ANKRD12: variants seen among roughly 807,000 people sequenced by gnomAD.
ANKRD12 encodes the protein ankyrin repeat domain-containing protein 12.
Under a neutral mutation model 183.4 loss-of-function variants are expected in ANKRD12, and 85 were observed. The ratio of observed to expected loss-of-function variants is 0.46; its 90% CI spans 0.39 to 0.56. The LOEUF (loss-of-function observed/expected upper bound fraction) is 0.56, where lower values mean the gene tolerates loss of function less well. ANKRD12 is among the 20% of genes least tolerant of loss of function. The pLI is 0.00. For synonymous variants in ANKRD12, 914 were observed against 800.2 expected (o/e 1.14, Z -2.40); for missense variants, 2,405 against 2,357.1 (o/e 1.02, Z -0.42).
rs867490300 is a variant in ANKRD12 at position 9,167,392 on chromosome 18, T to C, written c.-51-14990T>C. On this transcript the variant is annotated intron_variant, in intron 1 of 12. Coordinates refer to ENST00000262126, the MANE Select transcript of ANKRD12 (RefSeq NM_015208.5). ...TTTGTTTGTATCCTCTTTTATTTCA[T>C]TGAGCAGTGGTTTGTAGTTCTCCTT... is the stretch of plus-strand genomic sequence containing the variant. 4.3e-4 allele frequency among the ~76,000 whole-genome samples: 65 copies of C among 152,212 alleles called. 1 individual carries two copies. The highest frequency in any genetic ancestry group is 2.2e-4 in the Non-Finnish European group (15 of 68,038).
intron 11 of ANKRD12, among the ~76,000 whole-genome samples, chr18:9,279,082 TAAAGAATTTCTTCATGAG>T (rs56252964): frequency 1 from 151,833 of 151,952 alleles, 75,858 homozygotes; most frequent in Middle Eastern, 1. Context: ...TAAGTGTTGA[TAAAGAATTTCTTCATGAG>T]AAAGAATTTC....
At chr18:9,274,590 T>G (rs1426231347) in intron 10 of ANKRD12, among the ~76,000 whole-genome samples, 2 of 152,204 alleles carry the variant, frequency 1.3e-5, no homozygotes, top group African/African-American at 4.8e-5. Flanking sequence ...GGGTAGCAGG[T>G]TTCTTTTTGG....
intron 8 of ANKRD12, among the ~76,000 whole-genome samples, chr18:9,238,205 T>C (rs549788480): frequency 6.6e-6 from 1 of 152,194 alleles, no homozygotes. Flanking sequence ...GATTCTTGTC[T>C]TCGTAACTTC....
chr18:9,226,933 A>G (rs1270610855), intron 8 of ANKRD12, among the ~76,000 whole-genome samples: 4 of 152,170 alleles, frequency 2.6e-5, no homozygotes, highest in Non-Finnish European at 1.5e-5. Flanking sequence ...AGAGATGGTA[A>G]TTAAAGGCAA....
intron 6 of ANKRD12, among the ~76,000 whole-genome samples, chr18:9,212,478 TATATTCTTA>T (rs34983240): frequency 0.78 from 118,701 of 151,672 alleles, 46,677 homozygotes; most frequent in Middle Eastern, 0.88. Context: ...GATATTTCTA[TATATTCTTA>T]CAGTATATAT....
intron 7 of ANKRD12, 59 bp from the exon 8 acceptor site, chr18:9,221,793 T>C: frequency 6.4e-7 from 1 of 1,552,506 alleles, no homozygotes; most frequent in Non-Finnish European, 8.8e-7. Context: ...ATCAAGAGAA[T>C]GGGTGCAGTG....
At chr18:9,279,122 C>T (rs928379692) in intron 11 of ANKRD12, among the ~76,000 whole-genome samples, 3 of 150,820 alleles carry the variant, frequency 2.0e-5, no homozygotes, top group African/African-American at 7.3e-5. Context: ...TCATGAGCAC[C>T]GCAGATATTG....
At chr18:9,213,011 G>A (rs2035894969) in intron 6 of ANKRD12, among the ~76,000 whole-genome samples, 2 of 151,772 alleles carry the variant, frequency 1.3e-5, no homozygotes, top group Admixed American at 1.3e-4. Context: ...CACAGTCTGT[G>A]GCTTAGGTTG....
intron 8 of ANKRD12, among the ~76,000 whole-genome samples, chr18:9,231,389 T>C (rs544322134): frequency 6.6e-6 from 1 of 152,338 alleles, no homozygotes; most frequent in African/African-American, 2.4e-5. Context: ...CCTTTGTATC[T>C]AGGAGTATTT....
At chr18:9,199,400 CATG>C (rs2035037033) in intron 3 of ANKRD12, among the ~76,000 whole-genome samples, 1 of 152,142 alleles carries the variant, frequency 6.6e-6, no homozygotes, top group Non-Finnish European at 1.5e-5. Flanking sequence ...TACGTGCACA[CATG>C]ATGTATATTA....
At chr18:9,171,386 C>T (rs141397769) in intron 1 of ANKRD12, among the ~76,000 whole-genome samples, 92 of 152,256 alleles carry the variant, frequency 6.0e-4, no homozygotes, top group African/African-American at 2.1e-3. Context: ...TACATTTTGC[C>T]ATTCTGTGTC....
At chr18:9,240,672 G>T (rs1292772136) in intron 8 of ANKRD12, among the ~76,000 whole-genome samples, 1 of 152,108 alleles carries the variant, frequency 6.6e-6, no homozygotes, top group African/African-American at 2.4e-5. Flanking sequence ...TCAGTAAACT[G>T]GCTTTATTAA....
chr18:9,169,128 C>G (rs1198220445), intron 1 of ANKRD12, among the ~76,000 whole-genome samples: 1 of 152,056 alleles, frequency 6.6e-6, no homozygotes. Context: ...CTGAGGAGTG[C>G]TTTACTTCCA....
chr18:9,152,513 G>C (rs1844871924), intron 1 of ANKRD12, among the ~76,000 whole-genome samples: 1 of 151,230 alleles, frequency 6.6e-6, no homozygotes, highest in African/African-American at 2.4e-5. Flanking sequence ...CACCGTTTTT[G>C]GTCTTCTTTA....
chr18:9,209,125 C>T (rs1395612124), intron 5 of ANKRD12, among the ~76,000 whole-genome samples: 1 of 152,144 alleles, frequency 6.6e-6, no homozygotes, highest in East Asian at 1.9e-4. Flanking sequence ...ACATTTCCAG[C>T]TAAGGTGTTG....
intron 10 of ANKRD12, among the ~76,000 whole-genome samples, chr18:9,270,428 C>T (rs1363979898): frequency 6.6e-6 from 1 of 152,138 alleles, no homozygotes; most frequent in Non-Finnish European, 1.5e-5. Context: ...CAATACTATG[C>T]AGCCATAAAA....
chr18:9,263,551 C>T (rs930365427), intron 9 of ANKRD12, among the ~76,000 whole-genome samples: 1 of 152,176 alleles, frequency 6.6e-6, no homozygotes, highest in Non-Finnish European at 1.5e-5. Flanking sequence ...GAATAACTTC[C>T]ATAGTCCTTC....
intron 1 of ANKRD12, among the ~76,000 whole-genome samples, chr18:9,138,282 G>C (rs761879948): frequency 6.6e-6 from 1 of 152,232 alleles, no homozygotes; most frequent in Non-Finnish European, 1.5e-5. Context: ...GGAGGCCGAC[G>C]TGGGTAGATC....
intron 8 of ANKRD12, among the ~76,000 whole-genome samples, chr18:9,252,105 T>C (rs2038331366): frequency 6.6e-6 from 1 of 152,128 alleles, no homozygotes; most frequent in Non-Finnish European, 1.5e-5. Flanking sequence ...GATTTGCAGA[T>C]TTTAGGTGAT....
Sources: gnomAD v4.1 joint callset for allele counts (sites outside exome capture counted in the v4.1 genomes callset) on GRCh38, gnomAD v4.1.1 for gene constraint, MANE v1.5 for transcripts, NCBI Gene and HGNC (gene_info 2026-07-23, HGNC 2026-07-21) for gene names.